RNF150: variants seen among roughly 807,000 people sequenced by gnomAD.
RNF150 encodes the protein ring finger protein 150.
RNF150 carries 24 observed loss-of-function variants against 39.3 expected under a neutral mutation model. That is an observed-to-expected ratio of 0.61 (90% confidence interval 0.44 to 0.86). The LOEUF (loss-of-function observed/expected upper bound fraction) is 0.86, where lower values mean the gene tolerates loss of function less well. Among genes scored for constraint, RNF150 ranks in the 40% least tolerant of loss-of-function variants. The pLI is 0.00. For missense variants in RNF150, 502 were observed against 587.8 expected (o/e 0.85, Z 1.51); for synonymous variants, 255 against 227.3 (o/e 1.12, Z -1.10).
At chr4:141,027,362 T>C (rs1735740770) in intron 1 of RNF150, among the ~76,000 whole-genome samples, 1 of 152,200 alleles carries the variant, frequency 6.6e-6, no homozygotes, top group Non-Finnish European at 1.5e-5. Flanking sequence ...TGAAAAAATA[T>C]ATTTTGTTTT....
intron 6 of RNF150, among the ~76,000 whole-genome samples, chr4:140,892,262 T>C (rs1360364595): frequency 6.6e-6 from 1 of 152,220 alleles, no homozygotes; most frequent in African/African-American, 2.4e-5. Flanking sequence ...GTTGAAGTTG[T>C]TGAACCCCCT....
chr4:141,188,815 G>T (rs1393850895), intron 1 of RNF150, among the ~76,000 whole-genome samples: 1 of 151,936 alleles, frequency 6.6e-6, no homozygotes, highest in Non-Finnish European at 1.5e-5. Context: ...CTTGCTTTGG[G>T]CTAGAAAATG....
At chr4:141,165,392 G>A (rs1380955894) in intron 1 of RNF150, among the ~76,000 whole-genome samples, 2 of 152,130 alleles carry the variant, frequency 1.3e-5, no homozygotes, top group Non-Finnish European at 2.9e-5. Flanking sequence ...AGATTAATGA[G>A]ATAGAAAATT....
At chr4:140,872,883 G>A (rs1339925131) in intron 6 of RNF150, among the ~76,000 whole-genome samples, 1 of 152,160 alleles carries the variant, frequency 6.6e-6, no homozygotes, top group Non-Finnish European at 1.5e-5. Flanking sequence ...TTAGAGGAGA[G>A]GCCATGACTC....
intron 1 of RNF150, among the ~76,000 whole-genome samples, chr4:141,097,438 T>C (rs1979948): frequency 0.91 from 138,928 of 152,218 alleles, 63,484 homozygotes; most frequent in Non-Finnish European, 0.93. Context: ...AAATAGCTTA[T>C]AATAACTATA....
chr4:141,160,830 A>G (rs1727497795), intron 1 of RNF150, among the ~76,000 whole-genome samples: 1 of 152,230 alleles, frequency 6.6e-6, no homozygotes, highest in Non-Finnish European at 1.5e-5. Flanking sequence ...GGAGCTGAGC[A>G]GATGCCAGCA....
At chr4:141,207,820 G>T (rs1335281826) in intron 1 of RNF150, among the ~76,000 whole-genome samples, 1 of 152,148 alleles carries the variant, frequency 6.6e-6, no homozygotes, top group African/African-American at 2.4e-5. Context: ...TACCACTAAA[G>T]GTTAAAACAT....
chr4:141,006,793 T>C (rs1394770799), intron 1 of RNF150, among the ~76,000 whole-genome samples: 1 of 152,224 alleles, frequency 6.6e-6, no homozygotes, highest in African/African-American at 2.4e-5. Context: ...TGCAGTTCTC[T>C]TAAATCCATA....
intron 1 of RNF150, among the ~76,000 whole-genome samples, chr4:141,163,928 G>A (rs147130873): frequency 0.02 from 3,093 of 152,112 alleles, 117 homozygotes; most frequent in African/African-American, 0.07. Context: ...CGACAGCAAG[G>A]GAACAAAACT....
chr4:140,971,319 T>C (rs769567303), intron 1 of RNF150, among the ~76,000 whole-genome samples: 2 of 152,084 alleles, frequency 1.3e-5, no homozygotes, highest in East Asian at 3.9e-4. Flanking sequence ...AGCACAGTGA[T>C]CTGAGAGTTC....
chr4:140,870,612 G>T (rs1435618063), intron 6 of RNF150, among the ~76,000 whole-genome samples: 6 of 152,060 alleles, frequency 3.9e-5, no homozygotes, highest in African/African-American at 1.4e-4. Context: ...TGTTTTCTCA[G>T]CAGGGTCGTG....
rs1057293474 is a variant in RNF150, at chr4:140,914,024, C to T, written c.988-2670G>A. Reference sequence around the variant, plus strand: ...CAGGTTGTTCTTTTGGCCATAAATACGTAAATGCAATCATATGCAATAATA... The same window carrying T: ...CAGGTTGTTCTTTTGGCCATAAATATGTAAATGCAATCATATGCAATAATA... On this transcript the variant is annotated intron_variant, in intron 5 of 6. Coordinates refer to ENST00000515673, the MANE Select transcript of RNF150 (RefSeq NM_020724.2). 1.2e-4 allele frequency among the ~76,000 whole-genome samples: 18 copies of T among 152,096 alleles called. No individual in the cohort carries two copies. In the South Asian group the frequency reaches 1.2e-3, roughly 10 times the overall value.
intron 6 of RNF150, among the ~76,000 whole-genome samples, chr4:140,870,686 G>C (rs1728898783): frequency 6.6e-6 from 1 of 152,138 alleles, no homozygotes. Context: ...TGGAGTCTGA[G>C]TGAGCAGTGG....
At chr4:141,190,686 T>C (rs1225435871) in intron 1 of RNF150, among the ~76,000 whole-genome samples, 8 of 152,198 alleles carry the variant, frequency 5.3e-5, no homozygotes, top group Non-Finnish European at 1.2e-4. Flanking sequence ...AAGGATATTG[T>C]TTAAACCACA....
At position 141,132,615 on chromosome 4, in the gene RNF150, G is replaced by GCGC. The variant is rs768940411; in HGVS notation, c.191_193dup (p.Gly64dup). ...CTCCGTCTTCTCCGTGTGCAGCTCC[G>GCGC]CGCCGCCGCCGCCCGCCGCCCCGGC... On this transcript the variant is annotated inframe_insertion, in exon 1 of 7. Coordinates refer to ENST00000515673, the MANE Select transcript of RNF150 (RefSeq NM_020724.2). This position sits in a 1 kb window ranked among gnomAD's most constrained non-coding sequence, Gnocchi z 4.9. 3.1e-5 allele frequency: 48 copies of GCGC among 1,537,868 alleles called. 1 individual carries two copies. Among genetic ancestry groups the GCGC allele is most frequent in the South Asian group, 1.7e-4 (14 of 81,876 alleles).
At chr4:140,916,949 A>C (rs1359862524) in intron 5 of RNF150, among the ~76,000 whole-genome samples, 1 of 152,212 alleles carries the variant, frequency 6.6e-6, no homozygotes, top group Non-Finnish European at 1.5e-5. Flanking sequence ...ACTAAGCTTC[A>C]TAAGTGAAGG....
chr4:141,104,398 C>T (rs1379683513), intron 1 of RNF150, among the ~76,000 whole-genome samples: 2 of 152,094 alleles, frequency 1.3e-5, no homozygotes, highest in Admixed American at 1.3e-4. Context: ...TCCAATAAAG[C>T]TAATGGTAGT....
chr4:140,972,450 C>T lies in RNF150; in HGVS notation c.485-4577G>A, dbSNP rs56328851. On this transcript the variant is annotated intron_variant, in intron 1 of 6. Coordinates refer to ENST00000515673, the MANE Select transcript of RNF150 (RefSeq NM_020724.2). ...TTTAATATTAGAAAATATATTAGTA[C>T]ATTTTAGTACATTAACAAATTAAAG... 9.6e-3 allele frequency among the ~76,000 whole-genome samples: 1,462 copies of T among 152,196 alleles called. 22 individuals are homozygous for T. Among genetic ancestry groups the T allele is most frequent in the East Asian group, 0.055 (282 of 5,168 alleles).
Position 141,132,601 on chromosome 4 carries a change from C to G in RNF150, c.208G>C (p.Glu70Gln). ...AGGGGAELHTEKTECGRYGEH... is the reference protein window; with the variant it reads ...AGGGGAELHTQKTECGRYGEH... ...CCGTAGCGCCCGCACTCCGTCTTCT[C>G]CGTGTGCAGCTCCGCGCCGCCGCCG... Residue 70 changes from glutamate (E) to glutamine (Q), a missense_variant, in exon 1 of 7, where the codon GAG becomes CAG. By Grantham distance (29) the Glu-to-Gln change is conservative (BLOSUM62 2). Transcript: ENST00000515673. This position sits in a 1 kb window ranked among gnomAD's most constrained non-coding sequence, Gnocchi z 4.9. The G allele has an allele frequency of 6.4e-7, 1 of 1,560,090 alleles. No individual in the cohort carries two copies. Among genetic ancestry groups the G allele is most frequent in the Non-Finnish European group, 8.7e-7 (1 of 1,153,206 alleles).
Sources: allele counts gnomAD v4.1 joint callset (sites outside exome capture counted in the v4.1 genomes callset), GRCh38; gene constraint gnomAD v4.1.1; non-coding constraint Gnocchi (gnomAD v3.1); transcripts MANE v1.5; gene names NCBI Gene and HGNC (gene_info 2026-07-23, HGNC 2026-07-21).